PAN2: variants seen among roughly 807,000 people sequenced by gnomAD.
PAN2 encodes the protein poly(A) specific ribonuclease subunit PAN2.
In PAN2, 68 loss-of-function variants were observed where a neutral mutation model predicts 133.3. The observed-to-expected ratio is 0.51, with a 90% CI of 0.42 to 0.62. The LOEUF (loss-of-function observed/expected upper bound fraction) is 0.62. PAN2 is among the 20% of genes least tolerant of loss of function. PAN2 has a pLI of 0.00. For missense variants in PAN2, 1,042 were observed against 1,500.5 expected, an observed-to-expected ratio of 0.69 and a Z score of 5.05; for synonymous variants, 462 against 544.6, an observed-to-expected ratio of 0.85 and a Z score of 2.11.
chr12:56,324,002 T>G (rs371856925), intron 13 of PAN2, 47 bp downstream of exon 13: 6 of 1,612,694 alleles, frequency 3.7e-6, no homozygotes, highest in South Asian at 1.1e-5. Flanking sequence ...ACAGGACATT[T>G]TGGGGAGCCT....
chr12:56,328,303 G>A lies in PAN2; in HGVS notation c.508C>T (p.Leu170Phe), dbSNP rs1343911468. 8 of 1,609,924 alleles carry A rather than the reference G, an allele frequency of 5.0e-6. No individual in the cohort carries two copies. Among genetic ancestry groups the A allele is most frequent in the Non-Finnish European group, 6.8e-6 (8 of 1,177,622 alleles). ...ATGTGATTCTGCAGCCCACCAACGA[G>A]TAGAGTGCTGCTGTCAGTCAGTAGG... ...SLLLTDSSTL[L>F]VGGLQNHIIE... Residue 170 changes from leucine to phenylalanine, a missense_variant, in exon 4 of 26, where the codon CTC (leucine) becomes TTC (phenylalanine). Coordinates refer to ENST00000440411, the MANE Select transcript of PAN2 (RefSeq NM_014871.6).
chr12:56,332,633 A>T, intron 2 of PAN2, 180 bp downstream of exon 2: 1 of 583,428 alleles, frequency 1.7e-6, no homozygotes. Flanking sequence ...ATGCCTCCTG[A>T]GAAAGAATAT....
At position 56,326,613 on chromosome 12, in the gene PAN2, C is replaced by G; in HGVS notation, c.1262+4G>C. ...CGCCTTTTGGCCCAGAGGTAGGGTA[C>G]AACCTGGGAGCTGGAGCAGAGTTGG... On this transcript the variant is annotated splice_donor_region_variant and intron_variant, in intron 7 of 25. Coordinates refer to ENST00000440411, the MANE Select transcript of PAN2 (RefSeq NM_014871.6). 1 of 1,609,178 alleles carries G rather than the reference C, an allele frequency of 6.2e-7. No homozygotes were observed. Among genetic ancestry groups the G allele is most frequent in the South Asian group, 1.1e-5 (1 of 90,670 alleles).
chr12:56,320,606 T>C (rs1386883093), intron 20 of PAN2, among the ~76,000 whole-genome samples: 1 of 151,470 alleles, frequency 6.6e-6, no homozygotes, highest in Non-Finnish European at 1.5e-5. Flanking sequence ...ATCATGCCAT[T>C]GCACTCCAGC....
At chr12:56,322,902 C>A in intron 17 of PAN2, 144 bp from the exon 18 acceptor site, 4 of 1,257,510 alleles carry the variant, frequency 3.2e-6, no homozygotes, top group South Asian at 1.4e-5. Context: ...AGGACCCCAA[C>A]ACTGAACTGA....
chr12:56,323,748 T>C (rs769171452), intron 14 of PAN2, 59 bp downstream of exon 14: 14 of 1,452,304 alleles, frequency 9.6e-6, no homozygotes, highest in Non-Finnish European at 1.4e-5. Flanking sequence ...CCACATGGGA[T>C]AGTGGCTGAA....
At position 56,326,298 on chromosome 12, in the gene PAN2, C is replaced by T; in HGVS notation, c.1359+15G>A. On this transcript the variant is annotated intron_variant, in intron 8 of 25. Coordinates refer to ENST00000440411, the MANE Select transcript of PAN2 (RefSeq NM_014871.6). Reference sequence around the variant, plus strand: ...GTGGGCCGGGGTCGGGGCTGACCCTCCACTCTGAACACACCTGATTGCGCA... The same window carrying T: ...GTGGGCCGGGGTCGGGGCTGACCCTTCACTCTGAACACACCTGATTGCGCA... 6.4e-7 allele frequency: 1 copy of T among 1,572,540 alleles called. No individual in the cohort carries two copies. The highest frequency in any genetic ancestry group is 8.7e-7 in the Non-Finnish European group (1 of 1,149,162).
chr12:56,317,079 GC>G lies in PAN2; in HGVS notation c.*529del. The stretch of plus-strand genomic sequence containing the variant: ...TCAGCCATCAGCAGGAATAAATGAA[GC>G]CGGCAGCCAAGCTTTGTCCAGGATC... On this transcript the variant is annotated 3_prime_UTR_variant, in exon 26 of 26. Coordinates refer to ENST00000440411, the MANE Select transcript of PAN2 (RefSeq NM_014871.6). 6.5e-6 allele frequency: 1 copy of G among 153,062 alleles called. No individual in the cohort carries two copies. Among genetic ancestry groups the G allele is most frequent in the Admixed American group, 6.5e-5 (1 of 15,318 alleles). The allele number at this position is 153,062 out of a possible 1,614,324, so 9.5% of individuals were successfully genotyped here. A position where few individuals can be genotyped will look rare whatever the true frequency, so the allele number is the denominator to read the frequency against.
In PAN2 at chr12:56,324,855, G is replaced by A. The variant is rs527512152; in HGVS notation, c.1600-146C>T. 143 of 1,359,826 alleles carry A rather than the reference G, an allele frequency of 1.1e-4. 1 individual carries two copies. In the African/African-American group the frequency reaches 1.9e-3, roughly 18 times the overall value. The allele number at this position is 1,359,826 out of a possible 1,614,324, so 84.2% of individuals were successfully genotyped here. A position where few individuals can be genotyped will look rare whatever the true frequency, so the allele number is the denominator to read the frequency against. ...TCCACCAAACCGGTGGAGCTCAGAG[G>A]AGACTTGAAAGTTGTAGAGGCAAGA... On this transcript the variant is annotated intron_variant, in intron 10 of 25. Transcript: ENST00000440411.
At chr12:56,324,516 G>C (rs765094305) in intron 11 of PAN2, 23 bp from the exon 12 acceptor site, 24 of 1,612,418 alleles carry the variant, frequency 1.5e-5, no homozygotes, top group Non-Finnish European at 1.9e-5. Context: ...TGGTGGAAAG[G>C]GGTTATTTTG....
Position 56,319,326 on chromosome 12 carries a change from G to C in PAN2, c.3252C>G (p.Phe1084Leu). Reference sequence around the variant, plus strand: ...GCCAAACCATCAGGTTGATGACCCGGAAGTCCTTCTGCAGGCCATGACCCA... The same window carrying C: ...GCCAAACCATCAGGTTGATGACCCGCAAGTCCTTCTGCAGGCCATGACCCA... ...KFVGHGLQKDFRVINLMVPKD... is the reference protein window; with the variant it reads ...KFVGHGLQKDLRVINLMVPKD... The change falls in exon 23 of 26, where the codon TTC becomes TTG. Residue 1084 changes from phenylalanine (F) to leucine (L), a missense_variant. This residue lies in a region of PAN2 where 49 missense variants were observed against 160.5 expected (regional missense o/e 0.31). Transcript: ENST00000440411. This position sits in a 1 kb window ranked among gnomAD's most constrained non-coding sequence, Gnocchi z 5.4. 6.2e-7 allele frequency: 1 copy of C among 1,613,926 alleles called. No homozygotes were observed.
chr12:56,329,806 T>A (rs1875537236), intron 2 of PAN2, among the ~76,000 whole-genome samples: 1 of 151,816 alleles, frequency 6.6e-6, no homozygotes, highest in Non-Finnish European at 1.5e-5. Flanking sequence ...TAGCTGAGCA[T>A]GGTGGCACAC....
chr12:56,324,879 G>A, intron 10 of PAN2, 130 bp downstream of exon 10: 1 of 1,386,552 alleles, frequency 7.2e-7, no homozygotes, highest in Non-Finnish European at 9.8e-7. Flanking sequence ...GTAGAGGCAA[G>A]AAAGAATTGT....
At chr12:56,322,962 C>T (rs1170046640) in intron 17 of PAN2, 100 bp downstream of exon 17, 2 of 1,461,570 alleles carry the variant, frequency 1.4e-6, no homozygotes, top group Admixed American at 1.7e-5. Context: ...TTATTCTCTT[C>T]CTTTTCCCTC....
At chr12:56,332,601 A>T in intron 2 of PAN2, 2 of 126,392 alleles carry the variant, frequency 1.6e-5, no homozygotes, top group South Asian at 2.1e-4. Flanking sequence ...CCCTGTCTCG[A>T]AAAAAAAAAA....
Position 56,317,578 on chromosome 12 carries a change from G to C in PAN2, c.*31C>G. The C allele has an allele frequency of 6.2e-7, 1 of 1,605,188 alleles. No individual in the cohort carries two copies. The highest frequency in any genetic ancestry group is 8.5e-7 in the Non-Finnish European group (1 of 1,172,218). ...GTTCTGGGGCTATAGAACAGTAAAG[G>C]GAGAGGGCCGTGGTTCTTTGGGAAG... On this transcript the variant is annotated 3_prime_UTR_variant, in exon 26 of 26. Coordinates refer to ENST00000440411, the MANE Select transcript of PAN2 (RefSeq NM_014871.6).
chr12:56,330,196 AG>A (rs1875613682), intron 2 of PAN2, among the ~76,000 whole-genome samples: 1 of 152,134 alleles, frequency 6.6e-6, no homozygotes, highest in East Asian at 1.9e-4. Flanking sequence ...ACTTTATCAG[AG>A]AGAACTCCTG....
At chr12:56,333,250 G>A (rs1876106379) in intron 1 of PAN2, 42 bp from the exon 2 acceptor site, 1 of 701,460 alleles carries the variant, frequency 1.4e-6, no homozygotes, top group Non-Finnish European at 2.4e-6. Flanking sequence ...GTAGGCCCAG[G>A]TACTGGTACT....
intron 2 of PAN2, 150 bp downstream of exon 2, chr12:56,332,663 T>C (rs539589405): frequency 2.1e-5 from 14 of 674,190 alleles, no homozygotes; most frequent in South Asian, 2.0e-4. Context: ...TCCTAGATCC[T>C]AGATTCTCCC....
Sources: allele counts gnomAD v4.1 joint callset (sites outside exome capture counted in the v4.1 genomes callset), GRCh38; gene constraint gnomAD v4.1.1; regional missense constraint gnomAD v4.1.1; non-coding constraint Gnocchi (gnomAD v3.1); transcripts MANE v1.5; gene names NCBI Gene and HGNC (gene_info 2026-07-23, HGNC 2026-07-21).